The following CAMTA1 variants were observed in gnomAD, a reference collection of about 807,000 sequenced individuals.
CAMTA1 encodes the protein calmodulin-binding transcription activator 1.
In CAMTA1, 27 loss-of-function variants were observed where a neutral mutation model predicts 170.9. The observed-to-expected ratio is 0.16, with a 90% CI of 0.12 to 0.22. The LOEUF is 0.22. CAMTA1 is among the 10% of genes least tolerant of loss of function. The pLI, the probability that CAMTA1 is intolerant of heterozygous loss-of-function variation, is 1.00. For missense variants in CAMTA1, 1,619 were observed against 2,217.2 expected (o/e 0.73, Z 5.42); for synonymous variants, 833 against 891.5 (o/e 0.93, Z 1.17).
chr1:7,294,740 T>G (rs1673666634), intron 5 of CAMTA1, among the ~76,000 whole-genome samples: 1 of 152,232 alleles, frequency 6.6e-6, no homozygotes, highest in African/African-American at 2.4e-5. Flanking sequence ...ACAGTCACTG[T>G]CAGAGGCTGC....
chr1:7,668,020 G>A (rs1274150617), intron 9 of CAMTA1, among the ~76,000 whole-genome samples: 1 of 152,140 alleles, frequency 6.6e-6, no homozygotes, highest in Non-Finnish European at 1.5e-5. Flanking sequence ...GGTTCTACAG[G>A]AGAGAGCACC....
intron 3 of CAMTA1, among the ~76,000 whole-genome samples, chr1:6,853,705 A>C (rs1661240096): frequency 6.6e-6 from 1 of 152,230 alleles, no homozygotes; most frequent in Non-Finnish European, 1.5e-5. Flanking sequence ...GATGTAGAAA[A>C]GTTGAAAATA....
At position 7,363,597 on chromosome 1, in the gene CAMTA1, C is replaced by G. The variant is rs74949757; in HGVS notation, c.439-104233C>G. The stretch of plus-strand genomic sequence containing the variant: ...TGACATTTCACAGGATGGGTGACAT[C>G]GGAACGATTGGCCTGTGTGGTTGCC... On this transcript the variant is annotated intron_variant, in intron 5 of 22. Transcript: ENST00000303635. Among the ~76,000 whole-genome samples, 1,440 of 152,176 alleles carry G rather than the reference C, an allele frequency of 9.5e-3. 23 individuals carry two copies. The highest frequency in any genetic ancestry group is 0.032 in the African/African-American group (1,310 of 41,512).
At chr1:7,052,870 CCGGGCCG>C (rs1428391515) in intron 3 of CAMTA1, among the ~76,000 whole-genome samples, 4 of 152,198 alleles carry the variant, frequency 2.6e-5, no homozygotes, top group African/African-American at 9.6e-5. Flanking sequence ...GTCTCTTGGG[CCGGGCCG>C]TCCCCTCTTA....
chr1:7,082,912 T>G (rs1640222147), intron 3 of CAMTA1, among the ~76,000 whole-genome samples: 1 of 152,214 alleles, frequency 6.6e-6, no homozygotes, highest in Non-Finnish European at 1.5e-5. Context: ...CTGCACCCCA[T>G]CTGTCTTCCC....
At chr1:6,938,104 C>A (rs1051777927) in intron 3 of CAMTA1, among the ~76,000 whole-genome samples, 1 of 152,278 alleles carries the variant, frequency 6.6e-6, no homozygotes, top group African/African-American at 2.4e-5. Context: ...CATAGCCATA[C>A]CTTTTTATTT....
chr1:7,217,010 C>A (rs1659860623), intron 4 of CAMTA1, among the ~76,000 whole-genome samples: 1 of 152,168 alleles, frequency 6.6e-6, no homozygotes, highest in Admixed American at 6.6e-5. Context: ...TATGTCTTTG[C>A]CATCCTTTTA....
chr1:7,480,312 TA>T (rs2093503465), intron 6 of CAMTA1, among the ~76,000 whole-genome samples: 1 of 147,938 alleles, frequency 6.8e-6, no homozygotes, highest in Non-Finnish European at 1.5e-5. Context: ...AGTGCATTTG[TA>T]AGTGTGTGTG....
At chr1:7,497,740 C>T (rs893271166) in intron 6 of CAMTA1, among the ~76,000 whole-genome samples, 2 of 152,224 alleles carry the variant, frequency 1.3e-5, no homozygotes, top group East Asian at 3.8e-4. Flanking sequence ...TATGACAGAG[C>T]TCAGCCATGA....
Position 7,561,222 on chromosome 1 carries a change from G to A in CAMTA1, c.511-79178G>A, listed in dbSNP as rs1417582281. On this transcript the variant is annotated intron_variant, in intron 6 of 22. Coordinates refer to ENST00000303635, the MANE Select transcript of CAMTA1 (RefSeq NM_015215.4). The surrounding 1 kb of genome is among the most constrained non-coding windows in gnomAD (Gnocchi z 5.3). Reference sequence around the variant, plus strand: ...GATCCAGGCAGGAAGAGCCCAACAGGTTCAGCAGGAGCACCTGGATCTGAT... The same window carrying A: ...GATCCAGGCAGGAAGAGCCCAACAGATTCAGCAGGAGCACCTGGATCTGAT... 2.6e-5 allele frequency among the ~76,000 whole-genome samples: 4 copies of A among 152,022 alleles called. No individual in the cohort carries two copies. The highest frequency in any genetic ancestry group is 5.9e-5 in the Non-Finnish European group (4 of 67,986).
rs79965945 is a variant in CAMTA1, at chr1:7,674,252, G to A, written c.2779+3215G>A. Among the ~76,000 whole-genome samples, 10,007 of 152,198 alleles carry A rather than the reference G, an allele frequency of 0.066. 712 individuals carry two copies. The highest frequency in any genetic ancestry group is 0.25 in the East Asian group (1,285 of 5,144). On this transcript the variant is annotated intron_variant, in intron 10 of 22. Transcript: ENST00000303635. This position sits in a 1 kb window ranked among gnomAD's most constrained non-coding sequence, Gnocchi z 4.1. Reference sequence around the variant, plus strand: ...CACCGTCACAGGTGGCAGGAGACACGCAGGCACTGAGTGTGTCTTCTGCAA... The same window carrying A: ...CACCGTCACAGGTGGCAGGAGACACACAGGCACTGAGTGTGTCTTCTGCAA...
intron 5 of CAMTA1, among the ~76,000 whole-genome samples, chr1:7,276,304 T>TATAA (rs1553299266): frequency 3.3e-4 from 5 of 14,944 alleles, no homozygotes; most frequent in African/African-American, 1.7e-3. Flanking sequence ...TATATATATA[T>TATAA]TTTTTTTTTT....
intron 4 of CAMTA1, among the ~76,000 whole-genome samples, chr1:7,171,757 C>T (rs1014734042): frequency 6.6e-6 from 1 of 152,226 alleles, no homozygotes. Flanking sequence ...ACGGCTCAGG[C>T]AGTCCCTCCC....
intron 4 of CAMTA1, among the ~76,000 whole-genome samples, chr1:7,214,230 G>A (rs1659330696): frequency 6.6e-6 from 1 of 152,196 alleles, no homozygotes; most frequent in Non-Finnish European, 1.5e-5. Context: ...CACCAACAGT[G>A]TAAAAGTGTT....
intron 3 of CAMTA1, among the ~76,000 whole-genome samples, chr1:7,057,455 C>T (rs529174312): frequency 8.5e-5 from 13 of 152,190 alleles, no homozygotes; most frequent in African/African-American, 2.9e-4. Context: ...ATTCTCAGGG[C>T]GGCGGGGTGG....
chr1:7,741,873 G>A (rs564974566), intron 16 of CAMTA1, among the ~76,000 whole-genome samples: 16 of 151,786 alleles, frequency 1.1e-4, no homozygotes, highest in African/African-American at 3.6e-4. Flanking sequence ...TCCTGACCTT[G>A]TGATCTGCCT....
chr1:6,921,286 A>G (rs1025190779), intron 3 of CAMTA1, among the ~76,000 whole-genome samples: 1 of 130,558 alleles, frequency 7.7e-6, no homozygotes, highest in African/African-American at 2.5e-5. Flanking sequence ...ACTCTTTGCT[A>G]AAACTTAACA....
chr1:6,974,250 A>G (rs1291423819), intron 3 of CAMTA1, among the ~76,000 whole-genome samples: 2 of 152,172 alleles, frequency 1.3e-5, no homozygotes, highest in South Asian at 2.1e-4. Flanking sequence ...GGAGAATCCA[A>G]TTTTTCATAC....
intron 4 of CAMTA1, among the ~76,000 whole-genome samples, chr1:7,139,684 AGT>A (rs1337215957): frequency 6.6e-6 from 1 of 152,090 alleles, no homozygotes; most frequent in Non-Finnish European, 1.5e-5. Flanking sequence ...GCGACTAGGT[AGT>A]GTGTGTCTTT....
Sources: allele counts gnomAD v4.1 joint callset (sites outside exome capture counted in the v4.1 genomes callset), GRCh38; gene constraint gnomAD v4.1.1; non-coding constraint Gnocchi (gnomAD v3.1); transcripts MANE v1.5; gene names NCBI Gene and HGNC (gene_info 2026-07-23, HGNC 2026-07-21).